Variants in KMT5B observed in about 807,000 individuals in gnomAD.
KMT5B encodes the protein histone-lysine N-methyltransferase KMT5B.
In KMT5B, 10 loss-of-function variants were observed where a neutral mutation model predicts 83.2. That is an observed-to-expected ratio of 0.12 (90% CI 0.07 to 0.20). The LOEUF is 0.20. Among genes scored for constraint, KMT5B ranks in the 10% least tolerant of loss-of-function variants. The probability of loss-of-function intolerance (pLI) is 1.00; values close to 1 mark genes in which losing one functional copy is unlikely to be tolerated. For synonymous variants in KMT5B, 349 were observed against 388.8 expected (o/e 0.90, Z 1.20); for missense variants, 753 against 1,067.2 (o/e 0.71, Z 4.10).
intron 1 of KMT5B, among the ~76,000 whole-genome samples, chr11:68,197,118 G>C (rs562126080): frequency 6.6e-6 from 1 of 151,928 alleles, no homozygotes; most frequent in African/African-American, 2.4e-5. Context: ...CTACAGGTGC[G>C]CACCACCACA....
rs1468974056 is a variant in KMT5B at position 68,158,051 on chromosome 11, T to C, written c.2295A>G (p.Gly765=). 8.7e-6 allele frequency: 14 copies of C among 1,614,104 alleles called. No homozygotes were observed. The highest frequency in any genetic ancestry group is 1.2e-5 in the Non-Finnish European group (14 of 1,180,044). ...NNLYVAKLNN[G]FNSGSGSSST... is the part of the protein sequence containing the mutation. ...AACTACTGCCTGATCCTGAGTTAAA[T>C]CCATTATTAAGCTTTGCTACATAGA... The change falls in exon 11 of 11, where the codon GGA becomes GGG. Residue 765 remains glycine (G), a synonymous_variant. Coordinates refer to ENST00000304363, the MANE Select transcript of KMT5B (RefSeq NM_017635.5).
At chr11:68,165,795 C>G in intron 10 of KMT5B, 2 of 1,572,150 alleles carry the variant, frequency 1.3e-6, no homozygotes, top group Non-Finnish European at 1.7e-6. Flanking sequence ...TCACTCTGGA[C>G]ATTAACGAAA....
chr11:68,165,489 C>A (rs183949677), intron 10 of KMT5B, among the ~76,000 whole-genome samples: 2 of 151,048 alleles, frequency 1.3e-5, no homozygotes, highest in East Asian at 3.9e-4. Flanking sequence ...GGGGACAGAG[C>A]GAGACTCCGT....
chr11:68,167,187 G>C lies in KMT5B; in HGVS notation c.978-9C>G. ...AAGCACCAGTGCCCCGTCTGAAAGAGAAAATAGCACAGGTTAAACAAATAG... is the reference window on the plus strand; with the variant it reads ...AAGCACCAGTGCCCCGTCTGAAAGACAAAATAGCACAGGTTAAACAAATAG... On this transcript the variant is annotated splice_polypyrimidine_tract_variant and intron_variant, in intron 9 of 10. Coordinates refer to ENST00000304363, the MANE Select transcript of KMT5B (RefSeq NM_017635.5). 1 of 1,599,882 alleles carries C rather than the reference G, an allele frequency of 6.3e-7. No individual in the cohort carries two copies. Among genetic ancestry groups the C allele is most frequent in the African/African-American group, 1.3e-5 (1 of 74,704 alleles).
chr11:68,168,150 A>T (rs1243986112), intron 9 of KMT5B, among the ~76,000 whole-genome samples: 1 of 152,150 alleles, frequency 6.6e-6, no homozygotes, highest in East Asian at 1.9e-4. Context: ...ACAGAGCAAG[A>T]CTCCGTCTAA....
rs559012012 is a variant in KMT5B, at chr11:68,166,154, C to A, written c.1174+828G>T. On this transcript the variant is annotated intron_variant, in intron 10 of 10. Coordinates refer to ENST00000304363, the MANE Select transcript of KMT5B (RefSeq NM_017635.5). ...TCAGAGACAAGTGAGACTCAAGAGT[C>A]TACTGCTTTAGTGGCAACTACAGAA... is the stretch of plus-strand genomic sequence containing the variant. 1.1e-3 allele frequency: 1,577 copies of A among 1,395,104 alleles called. 33 individuals are homozygous for A. The South Asian group carries it at 0.026, about 23-fold the overall frequency. 86.4% of individuals were successfully genotyped at this position (1,395,104 alleles called of 1,614,324 possible). A position where few individuals can be genotyped will look rare whatever the true frequency, so the allele number is the denominator to read the frequency against.
intron 1 of KMT5B, among the ~76,000 whole-genome samples, chr11:68,196,747 G>C (rs1858761821): frequency 6.6e-6 from 1 of 151,728 alleles, no homozygotes; most frequent in Non-Finnish European, 1.5e-5. Context: ...CCTAGTCCTT[G>C]ACCCTCCAGA....
chr11:68,158,909 C>A lies in KMT5B; in HGVS notation c.1437G>T (p.Glu479Asp). Residue 479 changes from glutamate to aspartate, a missense_variant, in exon 11 of 11, where the codon GAG becomes GAT. Glu to Asp is a conservative substitution (Grantham distance 45). Coordinates refer to ENST00000304363, the MANE Select transcript of KMT5B (RefSeq NM_017635.5). ...AATTTTTATACAGAACTACTTTAGG[C>A]TCTTTCAGTACTAAGTTTCCCATTT... ...KLEMGNLVLK[E>D]PKVVLYKNLP... The A allele has an allele frequency of 6.2e-7, 1 of 1,614,178 alleles. No individual in the cohort carries two copies. Among genetic ancestry groups the A allele is most frequent in the Non-Finnish European group, 8.5e-7 (1 of 1,180,032 alleles).
chr11:68,170,948 G>T, intron 9 of KMT5B, 67 bp downstream of exon 9: 1 of 1,468,466 alleles, frequency 6.8e-7, no homozygotes, highest in Non-Finnish European at 9.2e-7. Flanking sequence ...GATAATGTGA[G>T]TTTAATCCCC....
At position 68,208,998 on chromosome 11, in the gene KMT5B, G is replaced by A. The variant is rs1263191834; in HGVS notation, c.-77+4140C>T. 1.2e-4 allele frequency among the ~76,000 whole-genome samples: 19 copies of A among 152,290 alleles called. No individual in the cohort carries two copies. The East Asian group carries it at 3.7e-3, about 29-fold the overall frequency. ...TTTCCAAGGGGGAAAGTGAAGGGGG[G>A]TTTCCTATGGTGCCACTGGCTCACT... On this transcript the variant is annotated intron_variant, in intron 1 of 10. Coordinates refer to ENST00000304363, the MANE Select transcript of KMT5B (RefSeq NM_017635.5).
chr11:68,186,246 C>T (rs1191894413), intron 2 of KMT5B, among the ~76,000 whole-genome samples: 3 of 152,000 alleles, frequency 2.0e-5, no homozygotes, highest in Non-Finnish European at 4.4e-5. Context: ...AGAAACGGGA[C>T]GGGAGCATGT....
chr11:68,179,459 C>T (rs1856707869), intron 4 of KMT5B: 1 of 1,303,836 alleles, frequency 7.7e-7, no homozygotes. Context: ...TGAATTCACA[C>T]TCCCACACAC....
At chr11:68,209,867 C>T (rs202232579) in intron 1 of KMT5B, among the ~76,000 whole-genome samples, 10,300 of 141,418 alleles carry the variant, frequency 0.073, 521 homozygotes, top group African/African-American at 0.16. Flanking sequence ...TTCTTTCCCC[C>T]TTTTTTTTTT....
Position 68,158,214 on chromosome 11 carries a change from T to C in KMT5B, c.2132A>G (p.Asn711Ser), listed in dbSNP as rs1380207785. 6.2e-7 allele frequency: 1 copy of C among 1,614,226 alleles called. No individual in the cohort carries two copies. The highest frequency in any genetic ancestry group is 8.5e-7 in the Non-Finnish European group (1 of 1,180,048). Residue 711 changes from asparagine (N) to serine (S), a missense_variant, in exon 11 of 11, where the codon AAT becomes AGT. By Grantham distance (46) the Asn-to-Ser change is conservative. Around this residue, in one of 9 missense-constraint regions of KMT5B, gnomAD observed 12 missense variants for 30.1 expected, o/e 0.40. Coordinates refer to ENST00000304363, the MANE Select transcript of KMT5B (RefSeq NM_017635.5). ...AGTCAATTTGGGAATCCCAGAGTTA[T>C]TTTCTAGGATTAACTGTGCATCATA... ...TRYDAQLILENNSGIPKLTLR... is the reference protein window; with the variant it reads ...TRYDAQLILESNSGIPKLTLR...
intron 4 of KMT5B, among the ~76,000 whole-genome samples, chr11:68,179,130 A>AC (rs770504760): frequency 4.6e-5 from 7 of 150,954 alleles, no homozygotes; most frequent in Non-Finnish European, 8.8e-5. Flanking sequence ...TTGCCATTGA[A>AC]CATCAGCACT....
chr11:68,172,811 A>G (rs1408171853), intron 6 of KMT5B, among the ~76,000 whole-genome samples: 2 of 152,160 alleles, frequency 1.3e-5, no homozygotes. Flanking sequence ...TAAATGAAGC[A>G]CATTTCATGT....
At chr11:68,202,169 G>A (rs1859520669) in intron 1 of KMT5B, among the ~76,000 whole-genome samples, 1 of 152,072 alleles carries the variant, frequency 6.6e-6, no homozygotes, top group South Asian at 2.1e-4. Flanking sequence ...GTTATAATTT[G>A]GTAAGAAAAC....
chr11:68,189,209 A>C (rs984620056), intron 2 of KMT5B, among the ~76,000 whole-genome samples: 2 of 152,264 alleles, frequency 1.3e-5, no homozygotes, highest in Non-Finnish European at 2.9e-5. Context: ...TGTCCTCTTT[A>C]ACATGACATA....
intron 1 of KMT5B, among the ~76,000 whole-genome samples, chr11:68,196,001 A>AC (rs1430105874): frequency 5.3e-5 from 8 of 152,220 alleles, no homozygotes; most frequent in African/African-American, 1.9e-4. Context: ...TACCAAAAAT[A>AC]CAAAAATTAG....
Sources: allele counts gnomAD v4.1 joint callset (sites outside exome capture counted in the v4.1 genomes callset), GRCh38; gene constraint gnomAD v4.1.1; regional missense constraint gnomAD v4.1.1; transcripts MANE v1.5; gene names NCBI Gene and HGNC (gene_info 2026-07-23, HGNC 2026-07-21).